CPA5: variants seen among roughly 807,000 people sequenced by gnomAD.
CPA5 encodes carboxypeptidase A5, also known as testicular tissue protein Li 32.
Under a neutral mutation model 52.2 loss-of-function variants are expected in CPA5, and 38 were observed. The ratio of observed to expected loss-of-function variants is 0.73; its 90% confidence interval spans 0.56 to 0.95. CPA5 has a LOEUF of 0.95. Ranked by LOEUF, CPA5 falls within the 40% of genes least tolerant of loss-of-function variation. The pLI, the probability that CPA5 is intolerant of heterozygous loss-of-function variation, is 0.00. For missense variants in CPA5, 519 were observed against 566.7 expected (o/e 0.92, Z 0.86); for synonymous variants, 198 against 213.7 (o/e 0.93, Z 0.64).
downstream of CPA5, among the ~76,000 whole-genome samples, chr7:130,370,017 G>C (rs1554409728): frequency 6.6e-6 from 1 of 152,248 alleles, no homozygotes; most frequent in Non-Finnish European, 1.5e-5. Context: ...AGACTAGACA[G>C]AGGATTAGAG....
intron 5 of CPA5, among the ~76,000 whole-genome samples, chr7:130,354,425 A>G (rs4731686): frequency 0.19 from 28,791 of 151,622 alleles, 3,121 homozygotes; most frequent in African/African-American, 0.29. Flanking sequence ...ACAGGGTCTC[A>G]CTCCCTCACC....
chr7:130,349,496 G>T (rs144170171), intron 4 of CPA5, among the ~76,000 whole-genome samples: 23 of 152,226 alleles, frequency 1.5e-4, no homozygotes, highest in African/African-American at 5.1e-4. Flanking sequence ...ATAAAATCTA[G>T]TATTTAATAG....
chr7:130,371,605 T>C (rs1460502733), downstream of CPA5, among the ~76,000 whole-genome samples: 6 of 151,814 alleles, frequency 4.0e-5, no homozygotes, highest in Non-Finnish European at 7.4e-5. Flanking sequence ...AGTTTTGTTC[T>C]TGTTGCCCAT....
intron 5 of CPA5, among the ~76,000 whole-genome samples, chr7:130,356,871 G>A (rs1795503992): frequency 6.6e-6 from 1 of 152,194 alleles, no homozygotes; most frequent in East Asian, 1.9e-4. Context: ...CAGCTGGCAG[G>A]CTGCTGTCTT....
intron 5 of CPA5, among the ~76,000 whole-genome samples, chr7:130,353,176 T>C (rs985622987): frequency 6.6e-6 from 1 of 152,044 alleles, no homozygotes; most frequent in Non-Finnish European, 1.5e-5. Context: ...ACCCCATTTT[T>C]ATGCTTCCCC....
At chr7:130,365,949 C>T (rs1328831726) in intron 10 of CPA5, among the ~76,000 whole-genome samples, 6 of 152,200 alleles carry the variant, frequency 3.9e-5, no homozygotes, top group East Asian at 1.9e-4. Context: ...CTAGCTCTGC[C>T]GGCACATCCC....
Position 130,346,493 on chromosome 7 carries a change from G to C in CPA5, c.8G>C (p.Gly3Ala), listed in dbSNP as rs782761130. The C allele has an allele frequency of 6.2e-6, 10 of 1,611,908 alleles. No homozygotes were observed. The highest frequency in any genetic ancestry group is 8.5e-6 in the Non-Finnish European group (10 of 1,178,688). The change falls in exon 3 of 13, where the codon GGC becomes GCC. Residue 3 changes from glycine (G) to alanine (A), a missense_variant. Coordinates refer to ENST00000474905, the MANE Select transcript of CPA5 (RefSeq NM_080385.5). ...TCACCAGGAGGAAGAAGCATGCAGGGCACCCCTGGAGGCGGGACGCGCCCT... is the reference window on the plus strand; with the variant it reads ...TCACCAGGAGGAAGAAGCATGCAGGCCACCCCTGGAGGCGGGACGCGCCCT... Reference protein sequence around the residue: MQGTPGGGTRPGP... With the variant: MQATPGGGTRPGP...
intron 5 of CPA5, among the ~76,000 whole-genome samples, chr7:130,351,763 G>A (rs1795158264): frequency 1.3e-5 from 2 of 152,184 alleles, no homozygotes; most frequent in Non-Finnish European, 2.9e-5. Flanking sequence ...CTGGCGTCCA[G>A]TCTTGTATTT....
At position 130,367,368 on chromosome 7, in the gene CPA5, C is replaced by A; in HGVS notation, c.839-4C>A. The stretch of plus-strand genomic sequence containing the variant: ...CTCTTTGGGTGGCTTTATTTTACTT[C>A]CAGGAAATGGTTCTAACAGCAACCC... On this transcript the variant is annotated splice_region_variant and splice_polypyrimidine_tract_variant and intron_variant, in intron 10 of 12. Coordinates refer to ENST00000474905, the MANE Select transcript of CPA5 (RefSeq NM_080385.5). 6.2e-7 allele frequency: 1 copy of A among 1,613,830 alleles called. No individual in the cohort carries two copies. Among genetic ancestry groups the A allele is most frequent in the South Asian group, 1.1e-5 (1 of 91,056 alleles).
intron 3 of CPA5, 71 bp downstream of exon 3, chr7:130,346,672 G>T: frequency 7.7e-7 from 1 of 1,294,420 alleles, no homozygotes. Context: ...AGCAGGAGGT[G>T]GCTGCCCTGC....
intron 8 of CPA5, 90 bp downstream of exon 8, chr7:130,362,629 C>A: frequency 1.1e-6 from 1 of 880,124 alleles, no homozygotes; most frequent in Non-Finnish European, 1.8e-6. Flanking sequence ...TTCAGTTCAA[C>A]AGTTACACTC....
chr7:130,369,031 G>T (rs1433261489), downstream of CPA5, among the ~76,000 whole-genome samples: 1 of 152,200 alleles, frequency 6.6e-6, no homozygotes, highest in East Asian at 1.9e-4. Context: ...CCACCTTGAG[G>T]GAAAGGTTGG....
In CPA5 at chr7:130,346,473, A is replaced by C; in HGVS notation, c.-13A>C. On this transcript the variant is annotated 5_prime_UTR_variant, in exon 3 of 13. Transcript: ENST00000474905. ...CCAAGGAAAGCCCCTGAAGCTCACC[A>C]GGAGGAAGAAGCATGCAGGGCACCC... The C allele has an allele frequency of 6.3e-7, 1 of 1,598,232 alleles. No individual in the cohort carries two copies. The highest frequency in any genetic ancestry group is 8.6e-7 in the Non-Finnish European group (1 of 1,167,344).
At chr7:130,371,015 G>T (rs1250915339), downstream of CPA5, among the ~76,000 whole-genome samples, 2 of 152,168 alleles carry the variant, frequency 1.3e-5, no homozygotes, top group African/African-American at 4.8e-5. Flanking sequence ...TACTTCCTGG[G>T]GGCTGCCTTG....
Position 130,368,590 on chromosome 7 carries a change from C to G in CPA5, c.1304C>G (p.Pro435Arg), listed in dbSNP as rs1554409385. The G allele has an allele frequency of 1.2e-6, 2 of 1,614,004 alleles. No homozygotes were observed. Among genetic ancestry groups the G allele is most frequent in the African/African-American group, 1.3e-5 (1 of 75,006 alleles). The change falls in exon 13 of 13, where the codon CCC (proline) becomes CGC (arginine). Residue 435 changes from proline to arginine, a missense_variant. Physicochemically the swap from Pro to Arg is moderately radical, Grantham distance 103. Coordinates refer to ENST00000474905, the MANE Select transcript of CPA5 (RefSeq NM_080385.5). The part of the protein sequence containing the change: ...RTIMEHTLNH[P>R]Y ...ATCATGGAGCACACCCTGAATCACCCCTACTAGCAGCACGACTGAGGGCAG... is the reference window on the plus strand; with the variant it reads ...ATCATGGAGCACACCCTGAATCACCGCTACTAGCAGCACGACTGAGGGCAG...
intron 12 of CPA5, 60 bp downstream of exon 12, chr7:130,368,050 G>A (rs1796197971): frequency 2.7e-6 from 4 of 1,502,084 alleles, no homozygotes; most frequent in Non-Finnish European, 2.8e-6. Flanking sequence ...CTGGCTGCAG[G>A]GCAGTGCCAA....
At position 130,362,497 on chromosome 7, in the gene CPA5, G is replaced by C. The variant is rs1464405831; in HGVS notation, c.594G>C (p.Arg198=). 6.2e-7 allele frequency: 1 copy of C among 1,613,670 alleles called. No homozygotes were observed. Among genetic ancestry groups the C allele is most frequent in the Non-Finnish European group, 8.5e-7 (1 of 1,179,760 alleles). Residue 198 remains arginine (R), a synonymous_variant, in exon 8 of 13, where the codon CGG becomes CGC. Coordinates refer to ENST00000474905, the MANE Select transcript of CPA5 (RefSeq NM_080385.5). ...GGATTGACACTGGAATTCACTCCCGGGAGTGGATCACCCATGCCACCGGCA... is the reference window on the plus strand; with the variant it reads ...GGATTGACACTGGAATTCACTCCCGCGAGTGGATCACCCATGCCACCGGCA... ...AIWIDTGIHS[R]EWITHATGIW...
downstream of CPA5, chr7:130,368,844 C>A: frequency 2.0e-6 from 1 of 506,196 alleles, no homozygotes; most frequent in South Asian, 2.9e-5. Context: ...CCTCTGCACT[C>A]TCCAGTCTAC....
chr7:130,369,636 CGTGT>C (rs148171890), downstream of CPA5, among the ~76,000 whole-genome samples: 2 of 151,232 alleles, frequency 1.3e-5, no homozygotes, highest in East Asian at 1.9e-4. Flanking sequence ...TGTGTGTGTG[CGTGT>C]GTGTGTGTGC....
Sources: gnomAD v4.1 joint callset for allele counts (sites outside exome capture counted in the v4.1 genomes callset) on GRCh38, gnomAD v4.1.1 for gene constraint, MANE v1.5 for transcripts, NCBI Gene and HGNC (gene_info 2026-07-23, HGNC 2026-07-21) for gene names.